Variants in AKT3 observed in about 807,000 individuals in gnomAD.
AKT3 encodes RAC-gamma serine/threonine-protein kinase.
In AKT3, 15 loss-of-function variants were observed where a neutral mutation model predicts 65.3. That is an observed-to-expected ratio of 0.23 (90% CI 0.15 to 0.35). AKT3 has a LOEUF of 0.35. AKT3 is among the 10% of genes least tolerant of loss of function. The pLI, the probability that AKT3 is intolerant of heterozygous loss-of-function variation, is 1.00. For missense variants in AKT3, 243 were observed against 576.5 expected, an observed-to-expected ratio of 0.42 and a Z score of 5.92; for synonymous variants, 206 against 183.8, an observed-to-expected ratio of 1.12 and a Z score of -0.98.
chr1:243,583,886 T>C (rs566973009), intron 8 of AKT3, among the ~76,000 whole-genome samples: 23 of 152,038 alleles, frequency 1.5e-4, no homozygotes, highest in African/African-American at 5.3e-4. Flanking sequence ...CTCAAATTAA[T>C]ACTCTAACAT....
chr1:243,642,596 A>G (rs1243255138), intron 5 of AKT3, among the ~76,000 whole-genome samples: 2 of 152,254 alleles, frequency 1.3e-5, no homozygotes, highest in Admixed American at 6.5e-5. Flanking sequence ...GGCGTGAGCC[A>G]CCACGCCCAG....
At chr1:243,648,694 T>C (rs1681037058) in intron 4 of AKT3, among the ~76,000 whole-genome samples, 1 of 152,188 alleles carries the variant, frequency 6.6e-6, no homozygotes. Flanking sequence ...CCAATAAGGC[T>C]GTCTGGGCTT....
At chr1:243,498,129 G>A (rs1668495959), downstream of AKT3, among the ~76,000 whole-genome samples, 1 of 152,208 alleles carries the variant, frequency 6.6e-6, no homozygotes, top group South Asian at 2.1e-4. Flanking sequence ...GAGCAGGGGT[G>A]GAGGGCCATT....
rs1217150271 is a variant in AKT3 at position 243,673,739 on chromosome 1, G to A, written c.173-8856C>T. ...AAGCAATTCTCCTGCCTCAGCCTCCGGAGTAGCGAGGACTACAGGCGTGCG... is the reference window on the plus strand; with the variant it reads ...AAGCAATTCTCCTGCCTCAGCCTCCAGAGTAGCGAGGACTACAGGCGTGCG... On this transcript the variant is annotated intron_variant, in intron 3 of 13. Coordinates refer to ENST00000673466, the MANE Select transcript of AKT3 (RefSeq NM_005465.7). Among the ~76,000 whole-genome samples the A allele has an allele frequency of 4.6e-5, 7 of 150,624 alleles. No individual in the cohort carries two copies. In the South Asian group the frequency reaches 8.4e-4, roughly 18 times the overall value.
At chr1:243,772,491 C>CAT (rs1350757164) in intron 2 of AKT3, among the ~76,000 whole-genome samples, 2 of 152,196 alleles carry the variant, frequency 1.3e-5, no homozygotes, top group Non-Finnish European at 2.9e-5. Context: ...AATGAGATAT[C>CAT]ATCTCACATC....
chr1:243,551,709 C>A (rs958357756), intron 11 of AKT3, among the ~76,000 whole-genome samples: 2 of 151,902 alleles, frequency 1.3e-5, no homozygotes, highest in African/African-American at 4.8e-5. Context: ...TACTGATATG[C>A]ACAGATACCT....
chr1:243,787,032 AAC>A (rs1433186563), intron 2 of AKT3, among the ~76,000 whole-genome samples: 1 of 152,260 alleles, frequency 6.6e-6, no homozygotes, highest in Non-Finnish European at 1.5e-5. Context: ...AGGAGTGGGA[AAC>A]ACAGAATAAA....
chr1:243,499,637 C>T (rs554879199), downstream of AKT3: 2 of 805,040 alleles, frequency 2.5e-6, no homozygotes, highest in Non-Finnish European at 4.3e-6. Context: ...TTTTTAGCAA[C>T]AGGTTTTTTT....
chr1:243,806,649 T>C (rs7542159), intron 2 of AKT3, among the ~76,000 whole-genome samples: 1 of 152,178 alleles, frequency 6.6e-6, no homozygotes, highest in Non-Finnish European at 1.5e-5. Context: ...TGTACCTTAG[T>C]AGGGTCTCAA....
chr1:243,601,049 G>A (rs1676965258), intron 8 of AKT3, among the ~76,000 whole-genome samples: 1 of 151,956 alleles, frequency 6.6e-6, no homozygotes, highest in Admixed American at 6.6e-5. Context: ...TCACTAAATT[G>A]TACAGTCAAA....
At chr1:243,777,799 T>C (rs1352151549) in intron 2 of AKT3, among the ~76,000 whole-genome samples, 2 of 152,236 alleles carry the variant, frequency 1.3e-5, no homozygotes, top group Non-Finnish European at 1.5e-5. Context: ...GTACAGATAC[T>C]GATTCCTCGT....
chr1:243,501,462 CCTT>C lies in AKT3; in HGVS notation c.*3784_*3786del, dbSNP rs1205913121. 3.0e-5 allele frequency: 7 copies of C among 233,188 alleles called. No homozygotes were observed. Among genetic ancestry groups the C allele is most frequent in the South Asian group, 1.8e-4 (1 of 5,522 alleles). 14.4% of individuals were successfully genotyped at this position (233,188 alleles called of 1,614,324 possible). On this transcript the variant is annotated 3_prime_UTR_variant, in exon 14 of 14. Coordinates refer to ENST00000673466, the MANE Select transcript of AKT3 (RefSeq NM_005465.7). ...TGAATGTCCCCAGGGTCTGAGACCT[CCTT>C]CATCCCTGGCTTCACAGTACATCCA... is the stretch of plus-strand genomic sequence containing the variant.
At chr1:243,730,859 C>T (rs1483595926) in intron 2 of AKT3, among the ~76,000 whole-genome samples, 18 of 152,270 alleles carry the variant, frequency 1.2e-4, no homozygotes, top group Admixed American at 1.2e-3. Context: ...CCTGCTCCAG[C>T]TGCAGCCTGG....
chr1:243,705,385 A>G (rs368975730), intron 2 of AKT3, among the ~76,000 whole-genome samples: 5 of 152,044 alleles, frequency 3.3e-5, no homozygotes, highest in African/African-American at 1.2e-4. Flanking sequence ...CTGCTTTACA[A>G]TTTTCTTTTG....
intron 2 of AKT3, among the ~76,000 whole-genome samples, chr1:243,747,982 T>C (rs887944458): frequency 2.6e-5 from 4 of 152,216 alleles, no homozygotes; most frequent in Admixed American, 6.5e-5. Context: ...TAATGACCTG[T>C]AAATTGTTTT....
At chr1:243,490,793 C>T (rs1390236513) in intron 13 of AKT3, among the ~76,000 whole-genome samples, 1 of 152,202 alleles carries the variant, frequency 6.6e-6, no homozygotes, top group African/African-American at 2.4e-5. Flanking sequence ...GGACCAGTGC[C>T]ACTCCCCTCC....
chr1:243,685,442 T>TC (rs1684221309), intron 3 of AKT3, among the ~76,000 whole-genome samples: 1 of 152,180 alleles, frequency 6.6e-6, no homozygotes, highest in South Asian at 2.1e-4. Flanking sequence ...GAGAATCCTT[T>TC]CCCCATTGCT....
At chr1:243,657,896 T>A (rs1681938110) in intron 4 of AKT3, among the ~76,000 whole-genome samples, 1 of 152,082 alleles carries the variant, frequency 6.6e-6, no homozygotes, top group Admixed American at 6.5e-5. Flanking sequence ...TGTGGAAATA[T>A]AATGCTGCTG....
At chr1:243,611,519 C>CA (rs1239930647) in intron 8 of AKT3, among the ~76,000 whole-genome samples, 15 of 151,954 alleles carry the variant, frequency 9.9e-5, no homozygotes, top group Non-Finnish European at 1.6e-4. Flanking sequence ...CCTATCTCTA[C>CA]AAAAAAATAC....
Sources: gnomAD v4.1 joint callset for allele counts (sites outside exome capture counted in the v4.1 genomes callset) on GRCh38, gnomAD v4.1.1 for gene constraint, MANE v1.5 for transcripts, NCBI Gene and HGNC (gene_info 2026-07-23, HGNC 2026-07-21) for gene names.